The following PCDHA3 variants were observed in gnomAD, a reference collection of about 807,000 sequenced individuals.
The protein encoded by PCDHA3 is protocadherin alpha 3, also known as protocadherin alpha-3.
A neutral mutation model predicts 62.2 loss-of-function variants in PCDHA3; 41 were observed. The observed-to-expected ratio is 0.66, with a 90% confidence interval of 0.51 to 0.86. The LOEUF is 0.86. PCDHA3 is among the 40% of genes least tolerant of loss of function. The probability of loss-of-function intolerance (pLI) is 0.00; values close to 1 mark genes in which losing one functional copy is unlikely to be tolerated. For synonymous variants in PCDHA3, 640 were observed against 555.4 expected, an observed-to-expected ratio of 1.15 and a Z score of -2.14; for missense variants, 1,304 against 1,241.2, an observed-to-expected ratio of 1.05 and a Z score of -0.76.
intron 1 of PCDHA3, among the ~76,000 whole-genome samples, chr5:140,959,108 C>T (rs1299073504): frequency 1.3e-5 from 2 of 151,918 alleles, no homozygotes; most frequent in East Asian, 3.9e-4. Flanking sequence ...AGCAGGGGTC[C>T]GAAGGTGGGC....
At chr5:140,813,005 T>A (rs1765210472) in intron 1 of PCDHA3, 1 of 152,232 alleles carries the variant, frequency 6.6e-6, no homozygotes, top group African/African-American at 2.4e-5. Flanking sequence ...AGAAAAGATA[T>A]TTAGTAGGAT....
chr5:140,864,875 T>G (rs1554159183), intron 1 of PCDHA3: 1 of 152,186 alleles, frequency 6.6e-6, no homozygotes, highest in Non-Finnish European at 1.5e-5. Context: ...TACCATTGTC[T>G]GTGTTCATTA....
chr5:140,930,859 G>GAT lies in PCDHA3; in HGVS notation c.2395-48089_2395-48088dup, dbSNP rs1554208143. On this transcript the variant is annotated intron_variant, in intron 1 of 3. Transcript: ENST00000522353. ...AATAAATATGTGCATATATGAATTG[G>GAT]ATGGTAACACTGTTCAACACAGAGG... Among the ~76,000 whole-genome samples, 803 of 152,288 alleles carry GAT rather than the reference G, an allele frequency of 5.3e-3. 3 individuals are homozygous for GAT. Among genetic ancestry groups the GAT allele is most frequent in the Non-Finnish European group, 8.4e-3 (568 of 68,020 alleles).
chr5:140,824,919 C>G (rs1554130098), intron 1 of PCDHA3: 3 of 152,056 alleles, frequency 2.0e-5, no homozygotes, highest in African/African-American at 7.2e-5. Flanking sequence ...CCTGTATACC[C>G]ATGATGAATT....
chr5:140,945,813 C>T (rs10477097), intron 1 of PCDHA3, among the ~76,000 whole-genome samples: 2 of 152,084 alleles, frequency 1.3e-5, no homozygotes, highest in East Asian at 3.8e-4. Flanking sequence ...TTATCTCACA[C>T]TGTATACAAA....
chr5:140,934,337 A>G (rs1404340648), intron 1 of PCDHA3, among the ~76,000 whole-genome samples: 1 of 152,128 alleles, frequency 6.6e-6, no homozygotes, highest in African/African-American at 2.4e-5. Context: ...TGTAATAACC[A>G]CCAGTACAGT....
chr5:140,947,580 A>G (rs1031254382), intron 1 of PCDHA3, among the ~76,000 whole-genome samples: 2 of 151,664 alleles, frequency 1.3e-5, no homozygotes, highest in Non-Finnish European at 3.0e-5. Context: ...TGTTTTTAAC[A>G]TTTAGATCAA....
intron 1 of PCDHA3, chr5:140,883,431 C>T: frequency 6.2e-7 from 1 of 1,614,172 alleles, no homozygotes. Flanking sequence ...GTCACCTGCA[C>T]CTTGACGCCG....
At chr5:140,816,096 CT>C (rs1765842833) in intron 1 of PCDHA3, 1 of 152,210 alleles carries the variant, frequency 6.6e-6, no homozygotes, top group East Asian at 1.9e-4. Flanking sequence ...GCTGTCTGTC[CT>C]TTTCTCTTAT....
chr5:140,939,729 G>A (rs1376988004), intron 1 of PCDHA3, among the ~76,000 whole-genome samples: 16 of 152,166 alleles, frequency 1.1e-4, no homozygotes, highest in Admixed American at 1.0e-3. Context: ...ATTGTTGTGT[G>A]TAGCTGTGTA....
At chr5:140,823,113 C>T in intron 1 of PCDHA3, 1 of 1,614,074 alleles carries the variant, frequency 6.2e-7, no homozygotes, top group Non-Finnish European at 8.5e-7. Context: ...AAGTGGCCGA[C>T]GTGAACGACA....
intron 1 of PCDHA3, chr5:140,968,681 A>G: frequency 1.9e-6 from 3 of 1,614,158 alleles, no homozygotes; most frequent in Non-Finnish European, 2.5e-6. Context: ...AGAGCTGCAC[A>G]CAGGAGAAAT....
chr5:140,938,843 C>T (rs1232774282), intron 1 of PCDHA3, among the ~76,000 whole-genome samples: 3 of 152,012 alleles, frequency 2.0e-5, no homozygotes, highest in Admixed American at 6.6e-5. Flanking sequence ...AACAAACCTG[C>T]CCATGTACCC....
In PCDHA3 at chr5:140,801,912, G is replaced by T. The variant is rs782723863; in HGVS notation, c.715G>T (p.Ala239Ser). The change falls in exon 1 of 4, where the codon GCC becomes TCC. Residue 239 changes from alanine (A) to serine (S), a missense_variant. Coordinates refer to ENST00000522353, the MANE Select transcript of PCDHA3 (RefSeq NM_018906.3). ...KITVLDVNDN[A>S]PAFERTIYKV... ...CACTGTTTTAGATGTAAACGACAAC[G>T]CCCCAGCGTTTGAGAGGACGATCTA... 2.2e-5 allele frequency: 36 copies of T among 1,614,166 alleles called. No homozygotes were observed. The highest frequency in any genetic ancestry group is 2.9e-5 in the Non-Finnish European group (34 of 1,180,044).
chr5:140,964,531 C>T (rs781961669), intron 1 of PCDHA3, among the ~76,000 whole-genome samples: 4 of 152,058 alleles, frequency 2.6e-5, no homozygotes, highest in Non-Finnish European at 5.9e-5. Context: ...CTCTGAGCTG[C>T]GTGCAGAGAT....
chr5:140,982,299 T>C, intron 2 of PCDHA3, 176 bp from the exon 3 acceptor site: 1 of 1,200,862 alleles, frequency 8.3e-7, no homozygotes, highest in South Asian at 1.7e-5. Flanking sequence ...AAGTCAGCAA[T>C]GCTTCTGCAG....
chr5:140,929,484 T>C, intron 1 of PCDHA3: 1 of 1,156,262 alleles, frequency 8.6e-7, no homozygotes, highest in Non-Finnish European at 1.2e-6. Context: ...AGTATAGAAG[T>C]ATTAGAAGAT....
At chr5:140,852,926 T>A in intron 1 of PCDHA3, 3 of 649,848 alleles carry the variant, frequency 4.6e-6, no homozygotes, top group Non-Finnish European at 5.9e-6. Flanking sequence ...TTGCCCAGGC[T>A]GGAGTGCAGT....
At chr5:140,808,273 C>T (rs782725111) in intron 1 of PCDHA3, 1 of 1,614,232 alleles carries the variant, frequency 6.2e-7, no homozygotes, top group Non-Finnish European at 8.5e-7. Context: ...TTAGAGAGGA[C>T]GCTCCACTGG....
Sources: allele counts gnomAD v4.1 joint callset (sites outside exome capture counted in the v4.1 genomes callset), GRCh38; gene constraint gnomAD v4.1.1; transcripts MANE v1.5; gene names NCBI Gene and HGNC (gene_info 2026-07-23, HGNC 2026-07-21).